GRID2: variants seen among roughly 807,000 people sequenced by gnomAD.
The protein encoded by GRID2 is glutamate receptor ionotropic, delta-2.
A neutral mutation model predicts 114.8 loss-of-function variants in GRID2; 33 were observed. The observed-to-expected ratio is 0.29, with a 90% CI of 0.22 to 0.38. The LOEUF (loss-of-function observed/expected upper bound fraction) is 0.38. GRID2 is among the 10% of genes least tolerant of loss of function. The pLI is 1.00. For missense variants in GRID2, 1,184 were observed against 1,257.7 expected (o/e 0.94, Z 0.89); for synonymous variants, 505 against 449.9 (o/e 1.12, Z -1.55).
intron 14 of GRID2, among the ~76,000 whole-genome samples, chr4:93,695,448 T>C (rs1019035120): frequency 2.0e-5 from 3 of 152,208 alleles, no homozygotes; most frequent in Non-Finnish European, 2.9e-5. Context: ...ACGTTTCTTC[T>C]GTACACATAA....
chr4:92,704,723 T>TCTTTCTC (rs1734861937), intron 2 of GRID2, among the ~76,000 whole-genome samples: 1 of 90,050 alleles, frequency 1.1e-5, no homozygotes, highest in African/African-American at 4.2e-5. Flanking sequence ...CTCTCTCTCT[T>TCTTTCTC]TCTCTCTCTC....
chr4:92,411,655 G>A (rs28437904), intron 1 of GRID2, among the ~76,000 whole-genome samples: 71,355 of 85,188 alleles, frequency 0.84, 30,665 homozygotes, highest in East Asian at 0.9. Context: ...GTGTGTGTGT[G>A]TATATATATA....
At chr4:93,490,223 C>CA (rs11464300) in intron 11 of GRID2, among the ~76,000 whole-genome samples, 35,101 of 151,514 alleles carry the variant, frequency 0.23, 4,391 homozygotes, top group East Asian at 0.43. Context: ...GAGAATATAA[C>CA]AAAAAATAAT....
intron 1 of GRID2, among the ~76,000 whole-genome samples, chr4:92,527,146 C>G (rs17019432): frequency 4.5e-4 from 69 of 152,148 alleles, no homozygotes; most frequent in African/African-American, 1.6e-3. Context: ...TTGTGTACCT[C>G]TTTGTCTAGT....
At chr4:93,793,129 T>C (rs1346966170) in intron 1 of GRID2, among the ~76,000 whole-genome samples, 1 of 152,194 alleles carries the variant, frequency 6.6e-6, no homozygotes, top group Non-Finnish European at 1.5e-5. Context: ...AATGTATAAC[T>C]TAAAATTCAT....
chr4:93,561,814 G>C (rs1378252598), intron 13 of GRID2, among the ~76,000 whole-genome samples: 1 of 152,036 alleles, frequency 6.6e-6, no homozygotes, highest in Non-Finnish European at 1.5e-5. Context: ...CTTTCACTTA[G>C]TAATATGCAT....
intron 2 of GRID2, among the ~76,000 whole-genome samples, chr4:92,732,783 A>G (rs974945937): frequency 1.3e-5 from 2 of 152,034 alleles, no homozygotes; most frequent in Non-Finnish European, 2.9e-5. Flanking sequence ...GCTTTTTCAT[A>G]TATGTATGCT....
chr4:93,767,939 A>C (rs1202631923), intron 14 of GRID2, among the ~76,000 whole-genome samples: 2 of 152,212 alleles, frequency 1.3e-5, no homozygotes, highest in Non-Finnish European at 2.9e-5. Context: ...TATCTGGACA[A>C]ATATACCTTC....
intron 8 of GRID2, among the ~76,000 whole-genome samples, chr4:93,282,751 T>C (rs1159037125): frequency 6.6e-6 from 1 of 152,014 alleles, no homozygotes; most frequent in Non-Finnish European, 1.5e-5. Flanking sequence ...AGGTAATTTA[T>C]AAAGAAAAGA....
chr4:92,318,851 A>G (rs1726153544), intron 1 of GRID2, among the ~76,000 whole-genome samples: 1 of 152,088 alleles, frequency 6.6e-6, no homozygotes, highest in African/African-American at 2.4e-5. Flanking sequence ...GGTGGATTCA[A>G]CAATCCAGTT....
intron 4 of GRID2, among the ~76,000 whole-genome samples, chr4:93,144,086 G>A (rs1052414366): frequency 6.6e-6 from 1 of 152,070 alleles, no homozygotes; most frequent in Non-Finnish European, 1.5e-5. Context: ...TTTCTGGGCC[G>A]CACCCCAGTT....
chr4:93,555,493 G>A (rs1310696321), intron 13 of GRID2, among the ~76,000 whole-genome samples: 1 of 152,104 alleles, frequency 6.6e-6, no homozygotes, highest in Non-Finnish European at 1.5e-5. Flanking sequence ...AAGCTTCCTG[G>A]AAGTTCGAAC....
At chr4:93,287,022 T>C (rs1266323820) in intron 8 of GRID2, among the ~76,000 whole-genome samples, 2 of 151,920 alleles carry the variant, frequency 1.3e-5, no homozygotes, top group East Asian at 1.9e-4. Context: ...TAAGAAAAAA[T>C]ATATATGATA....
intron 13 of GRID2, among the ~76,000 whole-genome samples, chr4:93,582,289 C>T (rs757053874): frequency 5.9e-5 from 9 of 152,038 alleles, no homozygotes; most frequent in Non-Finnish European, 1.2e-4. Context: ...TGTCTCTGAC[C>T]CTCCTGACTG....
intron 1 of GRID2, among the ~76,000 whole-genome samples, chr4:92,415,705 C>CATGT (rs1286217405): frequency 8.2e-6 from 1 of 121,398 alleles, no homozygotes; most frequent in Non-Finnish European, 1.7e-5. Flanking sequence ...TGTGCATGCG[C>CATGT]ATGTATGTGT....
At chr4:93,237,710 A>C (rs1279317610) in intron 7 of GRID2, among the ~76,000 whole-genome samples, 1 of 151,934 alleles carries the variant, frequency 6.6e-6, no homozygotes, top group Non-Finnish European at 1.5e-5. Flanking sequence ...CTACATTGCC[A>C]TCTGTTGGAT....
rs1732449967 is a variant in GRID2 at position 93,108,430 on chromosome 4, CAG to C, written c.530-2316_530-2315del. On this transcript the variant is annotated intron_variant, in intron 3 of 15. Transcript: ENST00000282020. ...AGTACTGGTATTTTATTTTTGTAAT[CAG>C]AAGATTTCACAGAGAATAAGTAATC... Among the ~76,000 whole-genome samples, 3 of 152,078 alleles carry C rather than the reference CAG, an allele frequency of 2.0e-5. No individual in the cohort carries two copies. In the South Asian group the frequency reaches 6.2e-4, roughly 32 times the overall value.
At chr4:92,579,963 G>T in intron 1 of GRID2, among the ~76,000 whole-genome samples, 1 of 144,670 alleles carries the variant, frequency 6.9e-6, no homozygotes. Flanking sequence ...TTATATATGT[G>T]TATATATTTT....
intron 2 of GRID2, among the ~76,000 whole-genome samples, chr4:92,627,830 A>G (rs1730598763): frequency 6.6e-6 from 1 of 152,148 alleles, no homozygotes; most frequent in South Asian, 2.1e-4. Flanking sequence ...ACAAACAACA[A>G]AACAATAAAT....
Sources: gnomAD v4.1 joint callset for allele counts (sites outside exome capture counted in the v4.1 genomes callset) on GRCh38, gnomAD v4.1.1 for gene constraint, MANE v1.5 for transcripts, NCBI Gene and HGNC (gene_info 2026-07-23, HGNC 2026-07-21) for gene names.